Variants in STOX2 observed in about 807,000 individuals in gnomAD.
STOX2 encodes storkhead-box protein 2.
Under a neutral mutation model 60.9 loss-of-function variants are expected in STOX2, and 28 were observed. That is an observed-to-expected ratio of 0.46 (90% CI 0.34 to 0.63). The LOEUF (loss-of-function observed/expected upper bound fraction) is 0.63, where lower values mean the gene tolerates loss of function less well. Ranked by LOEUF, STOX2 falls within the 30% of genes least tolerant of loss-of-function variation. The pLI is 0.01. For missense variants in STOX2, 1,024 were observed against 1,187.7 expected, an observed-to-expected ratio of 0.86 and a Z score of 2.03; for synonymous variants, 472 against 463.9, an observed-to-expected ratio of 1.02 and a Z score of -0.22.
chr4:184,003,229 C>T (rs1168551533), intron 2 of STOX2, among the ~76,000 whole-genome samples: 1 of 152,180 alleles, frequency 6.6e-6, no homozygotes, highest in Non-Finnish European at 1.5e-5. Context: ...TTTTATATAG[C>T]TTCATGAGAA....
chr4:184,003,233 A>G (rs1465323539), intron 2 of STOX2, among the ~76,000 whole-genome samples: 2 of 152,236 alleles, frequency 1.3e-5, no homozygotes, highest in Non-Finnish European at 2.9e-5. Flanking sequence ...ATATAGCTTC[A>G]TGAGAAATCA....
At chr4:183,999,237 A>G (rs1047516917) in intron 1 of STOX2, among the ~76,000 whole-genome samples, 16 of 152,126 alleles carry the variant, frequency 1.1e-4, no homozygotes, top group African/African-American at 3.6e-4. Context: ...TGAGTTACCA[A>G]TACGAACTGA....
chr4:183,918,609 A>C (rs1221196313), intron 1 of STOX2, among the ~76,000 whole-genome samples: 1 of 152,232 alleles, frequency 6.6e-6, no homozygotes, highest in African/African-American at 2.4e-5. Context: ...GCCAGTTTTG[A>C]AAGTAAAGCC....
chr4:184,007,310 T>C (rs895000704), intron 2 of STOX2, among the ~76,000 whole-genome samples: 6 of 152,166 alleles, frequency 3.9e-5, no homozygotes, highest in Non-Finnish European at 7.3e-5. Context: ...ATACCTTTAT[T>C]TCCTACTTTG....
intron 1 of STOX2, among the ~76,000 whole-genome samples, chr4:183,853,253 C>G (rs1045610028): frequency 6.6e-6 from 1 of 152,166 alleles, no homozygotes; most frequent in Non-Finnish European, 1.5e-5. Context: ...CAGGCTTTTC[C>G]CTTGCGTTTC....
intron 1 of STOX2, among the ~76,000 whole-genome samples, chr4:183,898,538 T>C (rs959612443): frequency 6.6e-6 from 1 of 152,112 alleles, no homozygotes; most frequent in Non-Finnish European, 1.5e-5. Flanking sequence ...TGAGAGTTAT[T>C]TGGAAATCAT....
intron 1 of STOX2, among the ~76,000 whole-genome samples, chr4:183,844,695 G>T (rs986697575): frequency 1.3e-5 from 2 of 152,206 alleles, no homozygotes; most frequent in African/African-American, 2.4e-5. Flanking sequence ...GAGACTGTAG[G>T]TAGGACTGTA....
At chr4:183,986,501 G>A (rs1205938767) in intron 1 of STOX2, among the ~76,000 whole-genome samples, 1 of 152,236 alleles carries the variant, frequency 6.6e-6, no homozygotes, top group Admixed American at 6.5e-5. Context: ...AGGTGGTTGA[G>A]GGCATGGAAG....
chr4:183,800,912 G>A (rs1361175722), intron 1 of STOX2, among the ~76,000 whole-genome samples: 1 of 152,204 alleles, frequency 6.6e-6, no homozygotes, highest in South Asian at 2.1e-4. Flanking sequence ...GCTCACAGGC[G>A]GGGCGAGACA....
chr4:183,898,562 C>T (rs150067739), intron 1 of STOX2, among the ~76,000 whole-genome samples: 1 of 151,826 alleles, frequency 6.6e-6, no homozygotes, highest in African/African-American at 2.4e-5. Context: ...CTTGCAAGCG[C>T]TGAAATAAAG....
chr4:183,923,224 C>G (rs931870854), intron 1 of STOX2, among the ~76,000 whole-genome samples: 2 of 152,220 alleles, frequency 1.3e-5, no homozygotes, highest in Non-Finnish European at 2.9e-5. Flanking sequence ...AGTGGTTGCA[C>G]CATTTTGCAT....
intron 1 of STOX2, among the ~76,000 whole-genome samples, chr4:183,863,301 C>T (rs765695748): frequency 2.0e-5 from 3 of 152,192 alleles, no homozygotes; most frequent in Non-Finnish European, 2.9e-5. Context: ...CTTTTGTATG[C>T]CATGTCCATT....
chr4:183,969,959 G>T (rs978432254), intron 1 of STOX2, among the ~76,000 whole-genome samples: 3 of 152,110 alleles, frequency 2.0e-5, no homozygotes, highest in South Asian at 2.1e-4. Context: ...TACATATCTT[G>T]TGTTGGGGAA....
intron 1 of STOX2, among the ~76,000 whole-genome samples, chr4:183,983,622 C>T (rs1732733944): frequency 6.6e-6 from 1 of 152,174 alleles, no homozygotes; most frequent in African/African-American, 2.4e-5. Context: ...CCCTTCCCTC[C>T]TGGGAGTTGC....
At chr4:183,924,492 C>G (rs1369172612) in intron 1 of STOX2, among the ~76,000 whole-genome samples, 1 of 152,102 alleles carries the variant, frequency 6.6e-6, no homozygotes, top group Admixed American at 6.5e-5. Context: ...AGTGCCCTCT[C>G]TCTGGAGGCC....
chr4:184,010,818 G>T lies in STOX2; in HGVS notation c.1980G>T (p.Gly660=). ...GGCACAAGGAGGAGTCACCAAAAGG[G>T]CCGGGTGGGGGCCCCGCTGCTTCGG... is the stretch of plus-strand genomic sequence containing the variant. The part of the protein sequence containing the change: ...PVGHKEESPK[G]PGGGPAASGG... Residue 660 remains glycine (G), a synonymous_variant, in exon 3 of 4, where the codon GGG becomes GGT. Coordinates refer to ENST00000308497, the MANE Select transcript of STOX2 (RefSeq NM_020225.3). This position sits in a 1 kb window ranked among gnomAD's most constrained non-coding sequence, Gnocchi z 4.5. The T allele has an allele frequency of 6.3e-7, 1 of 1,586,820 alleles. No individual in the cohort carries two copies.
intron 1 of STOX2, among the ~76,000 whole-genome samples, chr4:183,891,295 AAT>A (rs33925686): frequency 2.4e-4 from 2 of 8,384 alleles, no homozygotes; most frequent in Admixed American, 3.0e-3. Flanking sequence ...TATATGATGG[AAT>A]ATATATATAT....
intron 1 of STOX2, among the ~76,000 whole-genome samples, chr4:183,817,273 T>C (rs1244412691): frequency 6.6e-6 from 1 of 152,216 alleles, no homozygotes; most frequent in Non-Finnish European, 1.5e-5. Flanking sequence ...GGGGAAAACC[T>C]CAGTCCTTAC....
At chr4:184,016,550 A>C (rs992827933) in intron 3 of STOX2, among the ~76,000 whole-genome samples, 2 of 152,246 alleles carry the variant, frequency 1.3e-5, no homozygotes, top group African/African-American at 4.8e-5. Flanking sequence ...AAAACGTTTA[A>C]AGTGAATTTT....
Sources: allele counts gnomAD v4.1 joint callset (sites outside exome capture counted in the v4.1 genomes callset), GRCh38; gene constraint gnomAD v4.1.1; non-coding constraint Gnocchi (gnomAD v3.1); transcripts MANE v1.5; gene names NCBI Gene and HGNC (gene_info 2026-07-23, HGNC 2026-07-21).